The following PCDHA13 variants were observed in gnomAD, a reference collection of about 807,000 sequenced individuals.
PCDHA13 encodes the protein protocadherin alpha 13, also known as protocadherin alpha-13.
PCDHA13 carries 54 observed loss-of-function variants against 64.8 expected under a neutral mutation model. That is an observed-to-expected ratio of 0.83 (90% CI 0.67 to 1.04). PCDHA13 has a LOEUF of 1.04. Among genes scored for constraint, PCDHA13 ranks in the 50% least tolerant of loss-of-function variants. PCDHA13 has a pLI of 0.00. For synonymous variants in PCDHA13, 587 were observed against 564.4 expected (o/e 1.04, Z -0.57); for missense variants, 1,248 against 1,254.3 (o/e 0.99, Z 0.08).
At chr5:140,920,269 A>G (rs1342153832) in intron 1 of PCDHA13, among the ~76,000 whole-genome samples, 1 of 152,224 alleles carries the variant, frequency 6.6e-6, no homozygotes, top group Non-Finnish European at 1.5e-5. Flanking sequence ...TTATTACTTT[A>G]TGTAATCTTA....
At chr5:140,889,263 GTA>G (rs1262739748) in intron 1 of PCDHA13, among the ~76,000 whole-genome samples, 1 of 151,748 alleles carries the variant, frequency 6.6e-6, no homozygotes, top group Admixed American at 6.6e-5. Flanking sequence ...GTAAAAGTTT[GTA>G]TAATCTTTGA....
intron 3 of PCDHA13, among the ~76,000 whole-genome samples, chr5:140,990,310 C>A (rs1371432693): frequency 3.9e-5 from 6 of 152,110 alleles, no homozygotes; most frequent in African/African-American, 1.2e-4. Context: ...CTGTAAAAAA[C>A]CAACCAAACA....
chr5:140,885,920 C>T (rs1554182299), intron 1 of PCDHA13, among the ~76,000 whole-genome samples: 1 of 151,998 alleles, frequency 6.6e-6, no homozygotes, highest in East Asian at 1.9e-4. Context: ...TAGATATTAA[C>T]TGTTTATCTA....
chr5:140,954,570 T>G (rs2095058412), intron 1 of PCDHA13, among the ~76,000 whole-genome samples: 1 of 152,252 alleles, frequency 6.6e-6, no homozygotes. Context: ...GACTGTCTTC[T>G]TTTCAGAAGT....
intron 3 of PCDHA13, among the ~76,000 whole-genome samples, chr5:141,007,961 C>G (rs1554261577): frequency 6.6e-6 from 1 of 152,176 alleles, no homozygotes; most frequent in East Asian, 1.9e-4. Flanking sequence ...TGCTCATTCT[C>G]TGGGTGTCTG....
chr5:140,968,465 G>A lies in PCDHA13; in HGVS notation c.2395-10484G>A, dbSNP rs782606184. On this transcript the variant is annotated intron_variant, in intron 1 of 3. Coordinates refer to ENST00000289272, the MANE Select transcript of PCDHA13 (RefSeq NM_018904.3). ...ACTGAGCAGCACTGTGACTGCCAACGTATATGTGGTGGACATGAATGACCA... is the reference window on the plus strand; with the variant it reads ...ACTGAGCAGCACTGTGACTGCCAACATATATGTGGTGGACATGAATGACCA... 78 of 1,614,004 alleles carry A rather than the reference G, an allele frequency of 4.8e-5. No individual in the cohort carries two copies. Among genetic ancestry groups the A allele is most frequent in the Non-Finnish European group, 6.1e-5 (72 of 1,180,028 alleles).
chr5:140,897,701 C>T (rs1161358145), intron 1 of PCDHA13, among the ~76,000 whole-genome samples: 58 of 152,238 alleles, frequency 3.8e-4, no homozygotes, highest in Non-Finnish European at 7.4e-4. Flanking sequence ...TGGGCATATA[C>T]CCAGTAATGG....
At chr5:140,912,864 T>C (rs1483499385) in intron 1 of PCDHA13, among the ~76,000 whole-genome samples, 1 of 152,212 alleles carries the variant, frequency 6.6e-6, no homozygotes, top group East Asian at 1.9e-4. Context: ...TGAAATGATA[T>C]ATGGTTTTTG....
At chr5:140,921,071 T>C (rs2080004942) in intron 1 of PCDHA13, among the ~76,000 whole-genome samples, 1 of 152,054 alleles carries the variant, frequency 6.6e-6, no homozygotes, top group Admixed American at 6.6e-5. Flanking sequence ...CCTTGAACTC[T>C]TGGGCTCAAG....
chr5:140,906,459 A>G (rs1217443805), intron 1 of PCDHA13, among the ~76,000 whole-genome samples: 1 of 152,236 alleles, frequency 6.6e-6, no homozygotes. Context: ...AAATGAAGAT[A>G]TTTTCTTAGT....
intron 1 of PCDHA13, among the ~76,000 whole-genome samples, chr5:140,931,648 T>G (rs1258876806): frequency 6.6e-6 from 1 of 152,014 alleles, no homozygotes; most frequent in African/African-American, 2.4e-5. Context: ...TGCTAATAAT[T>G]GTTGTGGGCT....
chr5:140,904,397 T>G (rs2071090298), intron 1 of PCDHA13, among the ~76,000 whole-genome samples: 1 of 151,416 alleles, frequency 6.6e-6, no homozygotes, highest in East Asian at 1.9e-4. Flanking sequence ...TATTCCATGG[T>G]GTATTATATA....
At chr5:140,924,898 AAAAAAAAT>A (rs781900915) in intron 1 of PCDHA13, among the ~76,000 whole-genome samples, 16 of 53,028 alleles carry the variant, frequency 3.0e-4, no homozygotes, top group Non-Finnish European at 6.0e-4. Context: ...CTGTCTCAAA[AAAAAAAAT>A]AAAATAAAAT....
intron 1 of PCDHA13, among the ~76,000 whole-genome samples, chr5:140,891,271 G>A (rs782182381): frequency 7.9e-5 from 12 of 151,678 alleles, no homozygotes; most frequent in South Asian, 4.2e-4. Flanking sequence ...TAATTTTTCC[G>A]TAAGTTATTG....
Position 141,009,803 on chromosome 5 carries a change from C to G in PCDHA13, c.2719C>G (p.Gln907Glu). 6.2e-7 allele frequency: 1 copy of G among 1,613,968 alleles called. No individual in the cohort carries two copies. The highest frequency in any genetic ancestry group is 8.5e-7 in the Non-Finnish European group (1 of 1,179,994). ...CATCCGGCAGGAGCCTACTAACAGC[C>G]AAATTGACAAAAGTGACTTCATAAC... ...ISIRQEPTNS[Q>E]IDKSDFITFG... Residue 907 changes from glutamine to glutamate, a missense_variant, in exon 4 of 4, where the codon CAA (glutamine) becomes GAA (glutamate). Physicochemically the swap from Gln to Glu is conservative, Grantham distance 29 (BLOSUM62 2). Coordinates refer to ENST00000289272, the MANE Select transcript of PCDHA13 (RefSeq NM_018904.3).
At chr5:140,986,102 C>T (rs782067384) in intron 3 of PCDHA13, among the ~76,000 whole-genome samples, 14 of 152,102 alleles carry the variant, frequency 9.2e-5, no homozygotes, top group Non-Finnish European at 1.5e-5. Flanking sequence ...CTGCAAAAGC[C>T]TAAGATAAAG....
intron 1 of PCDHA13, among the ~76,000 whole-genome samples, chr5:140,964,144 C>A (rs970079716): frequency 6.6e-6 from 1 of 152,138 alleles, no homozygotes; most frequent in African/African-American, 2.4e-5. Context: ...TTGGCAGGAG[C>A]CTCAGTATAA....
At chr5:140,993,540 A>T (rs1189758746) in intron 3 of PCDHA13, among the ~76,000 whole-genome samples, 7 of 151,678 alleles carry the variant, frequency 4.6e-5, no homozygotes, top group Non-Finnish European at 8.8e-5. Context: ...AGAGAGAGAT[A>T]GAGAAGTGAA....
intron 3 of PCDHA13, among the ~76,000 whole-genome samples, chr5:140,995,481 T>C (rs190039428): frequency 5.9e-5 from 9 of 152,308 alleles, no homozygotes; most frequent in Admixed American, 5.9e-4. Context: ...CATTTAATAT[T>C]TTCAGACTAA....
Sources: allele counts gnomAD v4.1 joint callset (sites outside exome capture counted in the v4.1 genomes callset), GRCh38; gene constraint gnomAD v4.1.1; transcripts MANE v1.5; gene names NCBI Gene and HGNC (gene_info 2026-07-23, HGNC 2026-07-21).